The following YES1 variants were observed in gnomAD, a reference collection of about 807,000 sequenced individuals.
YES1 encodes the protein YES proto-oncogene 1, Src family tyrosine kinase.
YES1 carries 39 observed loss-of-function variants against 70.4 expected under a neutral mutation model. That is an observed-to-expected ratio of 0.55 (90% CI 0.43 to 0.72). YES1 has a LOEUF of 0.72. YES1 is among the 30% of genes least tolerant of loss of function. The pLI is 0.00. For synonymous variants in YES1, 198 were observed against 218.6 expected (o/e 0.91, Z 0.83); for missense variants, 495 against 644.8 (o/e 0.77, Z 2.52).
intron 1 of YES1, among the ~76,000 whole-genome samples, chr18:804,211 T>C (rs1007537559): frequency 6.6e-6 from 1 of 152,246 alleles, no homozygotes; most frequent in Non-Finnish European, 1.5e-5. Context: ...TTTTCTCATA[T>C]AATGTTGCAA....
intron 1 of YES1, among the ~76,000 whole-genome samples, chr18:810,014 T>TG (rs1449216556): frequency 6.6e-6 from 1 of 151,990 alleles, no homozygotes; most frequent in Non-Finnish European, 1.5e-5. Flanking sequence ...TGCAGGTTTT[T>TG]TTTTTTTTTT....
intron 1 of YES1, among the ~76,000 whole-genome samples, chr18:784,701 GTC>G (rs1905848546): frequency 6.6e-6 from 1 of 152,160 alleles, no homozygotes; most frequent in Admixed American, 6.5e-5. Flanking sequence ...CTGGAATGTT[GTC>G]TCTTTCTGAT....
At chr18:752,880 T>C (rs1355734617) in intron 2 of YES1, among the ~76,000 whole-genome samples, 1 of 152,022 alleles carries the variant, frequency 6.6e-6, no homozygotes, top group African/African-American at 2.4e-5. Context: ...GAAGTGGAGG[T>C]TGCCATGAGC....
chr18:737,083 GTAACAGGGTATAGTCTAGAAGA>G, intron 9 of YES1, 122 bp from the exon 10 acceptor site: 1 of 805,916 alleles, frequency 1.2e-6, no homozygotes, highest in Non-Finnish European at 1.9e-6. Flanking sequence ...GGAGATGATG[GTAACAGGGTATAGTCTAGAAGA>G]TAACAGGAAA....
chr18:724,470 T>TAGTC lies in YES1; in HGVS notation c.1582_1585dup (p.Tyr529Ter). 1 of 1,614,216 alleles carries TAGTC rather than the reference T, an allele frequency of 6.2e-7. No individual in the cohort carries two copies. The highest frequency in any genetic ancestry group is 8.5e-7 in the Non-Finnish European group (1 of 1,180,040). The stretch of plus-strand genomic sequence containing the variant: ...GTACTGTGGCTCTGTAGCAGTGAAG[T>TAGTC]AGTCTTCCAAGAAGGACTGAATATA... On this transcript the variant is annotated stop_gained and frameshift_variant, in exon 12 of 12. Transcript: ENST00000314574. LOFTEE classifies it high-confidence loss of function.
At chr18:733,382 G>T (rs2080113847) in intron 10 of YES1, among the ~76,000 whole-genome samples, 1 of 152,218 alleles carries the variant, frequency 6.6e-6, no homozygotes, top group Admixed American at 6.5e-5. Flanking sequence ...ATATCATTCT[G>T]GAAAATTTTA....
At chr18:801,686 T>C (rs921520140) in intron 1 of YES1, among the ~76,000 whole-genome samples, 1 of 152,178 alleles carries the variant, frequency 6.6e-6, no homozygotes, top group Non-Finnish European at 1.5e-5. Flanking sequence ...ACAAACTACA[T>C]ATATATGTAT....
In YES1 at chr18:756,565, C is replaced by G; in HGVS notation, c.263G>C (p.Gly88Ala). The G allele has an allele frequency of 6.2e-7, 1 of 1,614,126 alleles. No homozygotes were observed. Among genetic ancestry groups the G allele is most frequent in the Non-Finnish European group, 8.5e-7 (1 of 1,180,016 alleles). The change falls in exon 2 of 12, where the codon GGT (glycine) becomes GCT (alanine). Residue 88 changes from glycine (G) to alanine (A), a missense_variant. This residue lies in a region of YES1 where 110 missense variants were observed against 104.0 expected (regional missense o/e 1.06). Coordinates refer to ENST00000314574, the MANE Select transcript of YES1 (RefSeq NM_005433.4). Reference protein sequence around the residue: ...FSVVPSSYPAGLTGGVTIFVA... With the variant: ...FSVVPSSYPAALTGGVTIFVA... ...GTCCATTTAAATCTCACCTGTTAAA[C>G]CAGCAGGATATGAACTTGGCACCAC...
chr18:770,194 G>A (rs567686481), intron 1 of YES1, among the ~76,000 whole-genome samples: 2 of 151,778 alleles, frequency 1.3e-5, no homozygotes, highest in African/African-American at 2.4e-5. Context: ...TCCTGACGTC[G>A]TGATCTGCCT....
intron 2 of YES1, among the ~76,000 whole-genome samples, chr18:752,316 G>A (rs966005146): frequency 1.3e-5 from 2 of 152,104 alleles, no homozygotes; most frequent in African/African-American, 2.4e-5. Flanking sequence ...CACTGGGTTA[G>A]CCAGGTTGGT....
chr18:759,368 G>A (rs1904455326), intron 1 of YES1, among the ~76,000 whole-genome samples: 1 of 152,202 alleles, frequency 6.6e-6, no homozygotes, highest in South Asian at 2.1e-4. Context: ...TTGGGAGGCT[G>A]GCGCAGGAGA....
chr18:770,810 G>A (rs1416537679), intron 1 of YES1, among the ~76,000 whole-genome samples: 1 of 152,098 alleles, frequency 6.6e-6, no homozygotes, highest in Non-Finnish European at 1.5e-5. Context: ...TTGTGGAGGT[G>A]TGGGGGTTGA....
chr18:793,723 T>C (rs1375963979), intron 1 of YES1, among the ~76,000 whole-genome samples: 2 of 152,136 alleles, frequency 1.3e-5, no homozygotes, highest in African/African-American at 2.4e-5. Context: ...CAAAAATATA[T>C]TGAGAAATAA....
chr18:744,333 G>A (rs1226127390), intron 6 of YES1, among the ~76,000 whole-genome samples: 1 of 151,294 alleles, frequency 6.6e-6, no homozygotes, highest in Non-Finnish European at 1.5e-5. Flanking sequence ...CCACTAATTT[G>A]TAAGAGGCAT....
chr18:747,848 T>C, intron 4 of YES1, 72 bp downstream of exon 4: 2 of 1,381,426 alleles, frequency 1.4e-6, no homozygotes, highest in South Asian at 2.4e-5. Context: ...TGTAAAGTTG[T>C]GGCTAAGTAG....
intron 1 of YES1, among the ~76,000 whole-genome samples, chr18:788,657 G>A (rs537505963): frequency 7.9e-5 from 12 of 152,144 alleles, no homozygotes; most frequent in Non-Finnish European, 1.6e-4. Flanking sequence ...AGTGGCTCAC[G>A]CCTGTAATCC....
At chr18:778,874 C>G (rs1905515374) in intron 1 of YES1, among the ~76,000 whole-genome samples, 1 of 152,110 alleles carries the variant, frequency 6.6e-6, no homozygotes, top group South Asian at 2.1e-4. Flanking sequence ...TAAAAGCAAA[C>G]AAAGAACTCC....
chr18:789,156 A>G (rs1906113064), intron 1 of YES1, among the ~76,000 whole-genome samples: 1 of 152,208 alleles, frequency 6.6e-6, no homozygotes, highest in African/African-American at 2.4e-5. Context: ...TGATAACAGA[A>G]CATATGCTAT....
intron 1 of YES1, among the ~76,000 whole-genome samples, chr18:765,292 A>C (rs1398723719): frequency 1.4e-4 from 18 of 130,986 alleles, no homozygotes; most frequent in Admixed American, 3.2e-4. Context: ...ATATATATAT[A>C]TCTGTAGCAA....
Sources: allele counts gnomAD v4.1 joint callset (sites outside exome capture counted in the v4.1 genomes callset), GRCh38; gene constraint gnomAD v4.1.1; regional missense constraint gnomAD v4.1.1; transcripts MANE v1.5; gene names NCBI Gene and HGNC (gene_info 2026-07-23, HGNC 2026-07-21).